The following SYNE1 variants were observed in gnomAD, a reference collection of about 807,000 sequenced individuals.
SYNE1 encodes spectrin repeat containing nuclear envelope protein 1, also known as nesprin-1.
Under a neutral mutation model 1,111.0 loss-of-function variants are expected in SYNE1, and 616 were observed. The observed-to-expected ratio is 0.55, with a 90% confidence interval of 0.52 to 0.59. The LOEUF is 0.59. Among genes scored for constraint, SYNE1 ranks in the 20% least tolerant of loss-of-function variants. The pLI is 0.00. For synonymous variants in SYNE1, 3,855 were observed against 3,825.8 expected (o/e 1.01, Z -0.28); for missense variants, 10,006 against 10,417.0 (o/e 0.96, Z 1.72).
intron 108 of SYNE1, 135 bp downstream of exon 108, chr6:152,239,398 C>T: frequency 1.0e-6 from 1 of 989,454 alleles, no homozygotes; most frequent in Non-Finnish European, 1.6e-6. Flanking sequence ...AGGAAAAGTG[C>T]AGTCCTGAGC....
intron 130 of SYNE1, among the ~76,000 whole-genome samples, chr6:152,166,168 T>C (rs769017430): frequency 6.6e-5 from 10 of 152,212 alleles, no homozygotes; most frequent in Non-Finnish European, 1.3e-4. Context: ...AGTTCCCTGG[T>C]ATTATTCATG....
intron 131 of SYNE1, among the ~76,000 whole-genome samples, chr6:152,161,899 A>T (rs1211591317): frequency 1.3e-5 from 2 of 152,206 alleles, no homozygotes; most frequent in Admixed American, 1.3e-4. Flanking sequence ...GTACTGACAT[A>T]GTGGGAGCCA....
intron 61 of SYNE1, 156 bp from the exon 62 acceptor site, chr6:152,367,538 C>A: frequency 2.4e-6 from 2 of 823,146 alleles, no homozygotes; most frequent in Non-Finnish European, 4.0e-6. Context: ...TGTTAAAGAT[C>A]TTTCTAAATC....
At chr6:152,636,365 C>G (rs542583724) in intron 2 of SYNE1, among the ~76,000 whole-genome samples, 3 of 152,232 alleles carry the variant, frequency 2.0e-5, no homozygotes, top group South Asian at 2.1e-4. Flanking sequence ...AGATGTGCCA[C>G]AAGCGGAAAT....
At chr6:152,631,636 C>G (rs74414645) in intron 2 of SYNE1, among the ~76,000 whole-genome samples, 2,322 of 152,264 alleles carry the variant, frequency 0.015, 21 homozygotes, top group Middle Eastern at 0.027. Flanking sequence ...AGACGGAAAT[C>G]AGACAGAGGT....
At chr6:152,176,345 G>C (rs753710311) in intron 130 of SYNE1, 49 bp downstream of exon 130, 2 of 1,610,118 alleles carry the variant, frequency 1.2e-6, no homozygotes, top group Non-Finnish European at 1.7e-6. Context: ...AGACTGAAAG[G>C]CTTTAAAATA....
At chr6:152,409,776 T>C (rs1269938783) in intron 42 of SYNE1, 67 bp from the exon 43 acceptor site, 15 of 1,548,260 alleles carry the variant, frequency 9.7e-6, no homozygotes, top group East Asian at 2.2e-5. Flanking sequence ...TTGCCTGCAA[T>C]TGGACTTGAT....
chr6:152,577,429 G>C (rs2099501288), intron 3 of SYNE1, among the ~76,000 whole-genome samples: 1 of 152,086 alleles, frequency 6.6e-6, no homozygotes, highest in African/African-American at 2.4e-5. Context: ...TCAGGAGATT[G>C]AGACCATTCT....
At chr6:152,570,696 C>G (rs767374678) in intron 3 of SYNE1, among the ~76,000 whole-genome samples, 15 of 152,254 alleles carry the variant, frequency 9.9e-5, no homozygotes, top group Admixed American at 2.6e-4. Context: ...AACAGCTGTT[C>G]CCTTAATCAG....
chr6:152,344,741 C>T (rs1365411012), intron 73 of SYNE1, among the ~76,000 whole-genome samples: 3 of 152,112 alleles, frequency 2.0e-5, no homozygotes, highest in African/African-American at 7.2e-5. Flanking sequence ...AGGTGGATGT[C>T]CTCACTTCAT....
chr6:152,333,045 C>A (rs1010297874), intron 77 of SYNE1, among the ~76,000 whole-genome samples: 1 of 152,242 alleles, frequency 6.6e-6, no homozygotes, highest in South Asian at 2.1e-4. Flanking sequence ...ACCAAAAAAA[C>A]CCCAAATCCC....
At chr6:152,211,455 C>T (rs1209405546) in intron 124 of SYNE1, 39 bp downstream of exon 124, 6 of 1,554,658 alleles carry the variant, frequency 3.9e-6, no homozygotes, top group Non-Finnish European at 5.3e-6. Flanking sequence ...GACTAATTTA[C>T]TGGAACCTTT....
chr6:152,430,131 T>C lies in SYNE1; in HGVS notation c.4769A>G (p.Lys1590Arg). 6.3e-7 allele frequency: 1 copy of C among 1,599,050 alleles called. No homozygotes were observed. The highest frequency in any genetic ancestry group is 1.7e-5 in the Admixed American group (1 of 59,408). ...TCTTACCATATGTTCTTGAAGAACT[T>C]TGTATGTTTCTGTAGCTGAAGAACA... ...KICSSATETY[K>R]VLQEHMDLCQ... Residue 1590 changes from lysine to arginine, a missense_variant, in exon 36 of 146, where the codon AAA (lysine) becomes AGA (arginine). Lys to Arg is a conservative substitution (Grantham distance 26). Around this residue, in one of 7 missense-constraint regions of SYNE1, gnomAD observed 1,971 missense variants for 2,084.1 expected, o/e 0.95. Transcript: ENST00000367255.
At chr6:152,547,348 G>A (rs375244036) in intron 3 of SYNE1, among the ~76,000 whole-genome samples, 5 of 152,204 alleles carry the variant, frequency 3.3e-5, no homozygotes, top group East Asian at 1.9e-4. Context: ...GCCTATTAGC[G>A]GAGGCTGATT....
rs2082707440 is a variant in SYNE1, at chr6:152,231,327, T to A, written c.21039+64A>T. 1.9e-6 allele frequency: 3 copies of A among 1,580,524 alleles called. No homozygotes were observed. In the East Asian group the frequency reaches 6.7e-5, roughly 35 times the overall value. ...CGCTACTTGTGAACCCAGTCTTCCT[T>A]ACAGAGTGTGCCTGTTCTTGGGGTT... is the stretch of plus-strand genomic sequence containing the variant. On this transcript the variant is annotated intron_variant, in intron 114 of 145. Coordinates refer to ENST00000367255, the MANE Select transcript of SYNE1 (RefSeq NM_182961.4).
At chr6:152,197,907 C>A (rs1038991814) in intron 127 of SYNE1, among the ~76,000 whole-genome samples, 4 of 151,852 alleles carry the variant, frequency 2.6e-5, no homozygotes, top group African/African-American at 9.7e-5. Flanking sequence ...GCATTGACTT[C>A]TTTTAAGCTA....
intron 3 of SYNE1, among the ~76,000 whole-genome samples, chr6:152,606,904 T>C (rs377195444): frequency 6.6e-6 from 1 of 151,318 alleles, no homozygotes; most frequent in African/African-American, 2.4e-5. Flanking sequence ...TCCACCTGCC[T>C]TGGCCTCCCA....
chr6:152,546,412 C>T (rs1055651660), intron 3 of SYNE1: 5 of 150,548 alleles, frequency 3.3e-5, no homozygotes, highest in African/African-American at 1.2e-4. Context: ...TTCCCCAGAC[C>T]TTGAGTCTGG....
chr6:152,383,835 G>T (rs756957979), intron 55 of SYNE1, among the ~76,000 whole-genome samples: 4 of 152,088 alleles, frequency 2.6e-5, no homozygotes, highest in Non-Finnish European at 5.9e-5. Context: ...CTACTACCTG[G>T]CAGTTCAAAC....
Sources: allele counts gnomAD v4.1 joint callset (sites outside exome capture counted in the v4.1 genomes callset), GRCh38; gene constraint gnomAD v4.1.1; regional missense constraint gnomAD v4.1.1; transcripts MANE v1.5; gene names NCBI Gene and HGNC (gene_info 2026-07-23, HGNC 2026-07-21).